Variants in MAPK10 observed in about 807,000 individuals in gnomAD.
The protein encoded by MAPK10 is JNK3 alpha protein kinase.
MAPK10 carries 25 observed loss-of-function variants against 59.3 expected under a neutral mutation model. The observed-to-expected ratio is 0.42, with a 90% CI of 0.31 to 0.59. The LOEUF (loss-of-function observed/expected upper bound fraction) is 0.59, where lower values mean the gene tolerates loss of function less well. Ranked by LOEUF, MAPK10 falls within the 20% of genes least tolerant of loss-of-function variation. The pLI is 0.15. For synonymous variants in MAPK10, 190 were observed against 200.5 expected (o/e 0.95, Z 0.44); for missense variants, 351 against 568.9 (o/e 0.62, Z 3.90).
rs576806021 is a variant in MAPK10, at chr4:86,485,842, A to T, written c.-263+108068T>A. 2.6e-5 allele frequency among the ~76,000 whole-genome samples: 4 copies of T among 152,344 alleles called. No homozygotes were observed. The East Asian group carries it at 7.7e-4, about 29-fold the overall frequency. ...AAGACAACAGAGTTCACGCATAGAG[A>T]AAAGGCCATGTGAGGACATAGTGAA... On this transcript the variant is annotated intron_variant, in intron 1 of 4. Transcript: ENST00000502302.
At chr4:86,184,298 T>C (rs2077632906) in intron 3 of MAPK10, among the ~76,000 whole-genome samples, 1 of 152,096 alleles carries the variant, frequency 6.6e-6, no homozygotes, top group Non-Finnish European at 1.5e-5. Flanking sequence ...TTTTTAAGTG[T>C]TAATGGCAAG....
At chr4:86,312,866 T>C (rs924087280) in intron 2 of MAPK10, among the ~76,000 whole-genome samples, 1 of 152,142 alleles carries the variant, frequency 6.6e-6, no homozygotes, top group Admixed American at 6.6e-5. Flanking sequence ...AGCAATTTCC[T>C]GGCATTAGTG....
intron 3 of MAPK10, among the ~76,000 whole-genome samples, chr4:86,173,025 G>T (rs1267428187): frequency 1.3e-5 from 2 of 151,954 alleles, no homozygotes; most frequent in Non-Finnish European, 2.9e-5. Flanking sequence ...TCAATATTGT[G>T]AAAATGGCCA....
chr4:86,198,824 A>G (rs991401601), intron 2 of MAPK10, among the ~76,000 whole-genome samples: 9 of 151,852 alleles, frequency 5.9e-5, no homozygotes, highest in Non-Finnish European at 1.3e-4. Flanking sequence ...ACATATAAAC[A>G]GTGAAAAATT....
intron 1 of MAPK10, among the ~76,000 whole-genome samples, chr4:86,371,956 A>G (rs1382908523): frequency 6.6e-6 from 1 of 152,184 alleles, no homozygotes; most frequent in Admixed American, 6.5e-5. Context: ...CCCCACTGTC[A>G]ATATTAGACA....
At position 86,078,158 on chromosome 4, in the gene MAPK10, A is replaced by T. The variant is rs545964697; in HGVS notation, c.803-10203T>A. 5.1e-4 allele frequency among the ~76,000 whole-genome samples: 78 copies of T among 152,344 alleles called. 1 individual carries two copies. The South Asian group carries it at 0.015, about 30-fold the overall frequency. On this transcript the variant is annotated intron_variant, in intron 9 of 13. Coordinates refer to ENST00000641462, the MANE Select transcript of MAPK10 (RefSeq NM_138982.4). ...AGGATGGGATTATATTTTGAGAAAT[A>T]CTAATGTAGAATATACTAAAAAGTC...
intron 1 of MAPK10, among the ~76,000 whole-genome samples, chr4:86,538,463 G>A (rs1758423892): frequency 6.6e-6 from 1 of 152,100 alleles, no homozygotes; most frequent in African/African-American, 2.4e-5. Context: ...ACTGCGCCCG[G>A]TCCAATAAAT....
intron 9 of MAPK10, among the ~76,000 whole-genome samples, chr4:86,078,999 C>G (rs549333412): frequency 1.3e-5 from 2 of 151,328 alleles, no homozygotes; most frequent in African/African-American, 2.4e-5. Context: ...CCCACCCCCC[C>G]AAAAAAAGAA....
At chr4:86,455,474 G>A (rs887564727), upstream of MAPK10, among the ~76,000 whole-genome samples, 13 of 152,148 alleles carry the variant, frequency 8.5e-5, no homozygotes, top group African/African-American at 1.7e-4. Context: ...CATTCCATGC[G>A]AATGGACACC....
intron 13 of MAPK10, chr4:86,024,160 A>C (rs995210816): frequency 6.6e-6 from 1 of 152,062 alleles, no homozygotes; most frequent in African/African-American, 2.4e-5. Context: ...TAAGGGTGAG[A>C]TAAGTCTTAG....
intron 1 of MAPK10, among the ~76,000 whole-genome samples, chr4:86,564,096 T>C (rs577887636): frequency 6.6e-6 from 1 of 152,244 alleles, no homozygotes; most frequent in South Asian, 2.1e-4. Flanking sequence ...CCTCCCAAAG[T>C]TCTGGGATTA....
intron 2 of MAPK10, among the ~76,000 whole-genome samples, chr4:86,271,873 C>T (rs905862916): frequency 6.6e-6 from 1 of 152,034 alleles, no homozygotes; most frequent in African/African-American, 2.4e-5. Flanking sequence ...CACTGGGTCC[C>T]TCCCATGACA....
At chr4:86,511,129 A>T (rs1756202316) in intron 1 of MAPK10, among the ~76,000 whole-genome samples, 1 of 152,248 alleles carries the variant, frequency 6.6e-6, no homozygotes, top group Non-Finnish European at 1.5e-5. Context: ...TACAGGTATC[A>T]AAATACCACA....
intron 1 of MAPK10, among the ~76,000 whole-genome samples, chr4:86,546,557 A>AT (rs1759190137): frequency 1.6e-4 from 2 of 12,316 alleles, no homozygotes; most frequent in South Asian, 0.016. Flanking sequence ...AACTCCTTCT[A>AT]AAAAAAAAAA....
intron 1 of MAPK10, among the ~76,000 whole-genome samples, chr4:86,523,707 T>A (rs954816722): frequency 6.6e-6 from 1 of 152,162 alleles, no homozygotes; most frequent in Non-Finnish European, 1.5e-5. Context: ...TCCAGCAAAA[T>A]CTACCCCTAC....
intron 4 of MAPK10, among the ~76,000 whole-genome samples, chr4:86,148,508 G>A (rs1427170837): frequency 6.6e-6 from 1 of 152,218 alleles, no homozygotes; most frequent in African/African-American, 2.4e-5. Flanking sequence ...AGGGGGAAAG[G>A]GATATCAGTT....
At chr4:86,152,744 G>A (rs1017841240) in intron 4 of MAPK10, 3 of 151,916 alleles carry the variant, frequency 2.0e-5, no homozygotes, top group Non-Finnish European at 2.9e-5. Flanking sequence ...GGTATTTTTC[G>A]TTACAAAATT....
At chr4:86,089,017 T>C (rs2052532289) in intron 9 of MAPK10, among the ~76,000 whole-genome samples, 1 of 152,194 alleles carries the variant, frequency 6.6e-6, no homozygotes, top group South Asian at 2.1e-4. Context: ...TACTGTATTA[T>C]CCACATAAGG....
chr4:86,299,016 C>A (rs1270601596), intron 2 of MAPK10, among the ~76,000 whole-genome samples: 1 of 152,098 alleles, frequency 6.6e-6, no homozygotes, highest in Non-Finnish European at 1.5e-5. Flanking sequence ...GAAAAGAAAC[C>A]TGAAGGGCCT....
Sources: allele counts gnomAD v4.1 joint callset (sites outside exome capture counted in the v4.1 genomes callset), GRCh38; gene constraint gnomAD v4.1.1; transcripts MANE v1.5; gene names NCBI Gene and HGNC (gene_info 2026-07-23, HGNC 2026-07-21).